Variants in GRK3 observed in about 807,000 individuals in gnomAD.
The protein encoded by GRK3 is G protein-coupled receptor kinase 3.
In GRK3, 54 loss-of-function variants were observed where a neutral mutation model predicts 95.7. The observed-to-expected ratio is 0.56, with a 90% CI of 0.45 to 0.71. The LOEUF (loss-of-function observed/expected upper bound fraction) is 0.71, where lower values mean the gene tolerates loss of function less well. GRK3 is among the 30% of genes least tolerant of loss of function. The pLI, the probability that GRK3 is intolerant of heterozygous loss-of-function variation, is 0.00. For synonymous variants in GRK3, 281 were observed against 290.8 expected (o/e 0.97, Z 0.34); for missense variants, 649 against 851.2 (o/e 0.76, Z 2.96).
intron 1 of GRK3, among the ~76,000 whole-genome samples, chr22:25,579,362 G>T (rs1398284900): frequency 2.0e-5 from 3 of 151,978 alleles, no homozygotes; most frequent in Admixed American, 6.6e-5. Context: ...GCCAAGGCTG[G>T]TCGAGAATTC....
intron 3 of GRK3, chr22:25,649,380 C>T (rs2084811380): frequency 1.7e-6 from 1 of 577,836 alleles, no homozygotes; most frequent in Non-Finnish European, 3.1e-6. Context: ...TTCCACAAAA[C>T]CACTTTTTTT....
At position 25,648,856 on chromosome 22, in the gene GRK3, C is replaced by T. The variant is rs1037253284; in HGVS notation, c.264+4191C>T. The T allele has an allele frequency of 4.8e-6, 5 of 1,034,138 alleles. No individual in the cohort carries two copies. In the Admixed American group the frequency reaches 5.1e-5, roughly 11 times the overall value. The allele number at this position is 1,034,138 out of a possible 1,614,324, so 64.1% of individuals were successfully genotyped here. A position where few individuals can be genotyped will look rare whatever the true frequency, so the allele number is the denominator to read the frequency against. ...TGCAAAATAGCAGATTTTGGTTTAG[C>T]AAGGTTAATTGAAGACAATGAATAC... On this transcript the variant is annotated intron_variant, in intron 3 of 20. Transcript: ENST00000324198.
Position 25,697,470 on chromosome 22 carries a change from C to CA in GRK3, c.1160+2257dup, listed in dbSNP as rs1483260098. 1.4e-4 allele frequency among the ~76,000 whole-genome samples: 22 copies of CA among 152,306 alleles called. 1 individual carries two copies. In the South Asian group the frequency reaches 2.9e-3, roughly 20 times the overall value. On this transcript the variant is annotated intron_variant, in intron 13 of 20. Transcript: ENST00000324198. ...GGGCTCCTGCCGAAAAGAGTCTTGACAGACAGGAAGACATCCTGAGGATGG... is the reference window on the plus strand; with the variant it reads ...GGGCTCCTGCCGAAAAGAGTCTTGACAAGACAGGAAGACATCCTGAGGATGG...
intron 2 of GRK3, among the ~76,000 whole-genome samples, chr22:25,627,337 C>T (rs770951149): frequency 2.6e-5 from 4 of 152,338 alleles, no homozygotes; most frequent in East Asian, 1.9e-4. Context: ...GGCTGGATCC[C>T]TTAGCCTGGT....
At chr22:25,596,534 A>G (rs1252018408) in intron 1 of GRK3, among the ~76,000 whole-genome samples, 1 of 152,248 alleles carries the variant, frequency 6.6e-6, no homozygotes. Flanking sequence ...CATTTGATTT[A>G]TTCCCTCAGA....
At chr22:25,574,774 T>A (rs978123161) in intron 1 of GRK3, among the ~76,000 whole-genome samples, 1 of 152,222 alleles carries the variant, frequency 6.6e-6, no homozygotes, top group Non-Finnish European at 1.5e-5. Context: ...TGTCTTTTTT[T>A]ATATTATGAC....
intron 1 of GRK3, among the ~76,000 whole-genome samples, chr22:25,566,338 CAA>C (rs1244953505): frequency 6.6e-6 from 1 of 152,156 alleles, no homozygotes; most frequent in African/African-American, 2.4e-5. Context: ...GTTAGGCGCC[CAA>C]GATTGCTTAA....
At chr22:25,588,791 T>G (rs1247348521) in intron 1 of GRK3, among the ~76,000 whole-genome samples, 3 of 151,114 alleles carry the variant, frequency 2.0e-5, no homozygotes, top group African/African-American at 7.3e-5. Flanking sequence ...TTTTTTTTTT[T>G]TGAGACAAGG....
At chr22:25,684,258 C>A (rs1485706248) in intron 9 of GRK3, among the ~76,000 whole-genome samples, 1 of 152,204 alleles carries the variant, frequency 6.6e-6, no homozygotes, top group African/African-American at 2.4e-5. Flanking sequence ...ATTACTGTTG[C>A]TTTCTAATAA....
At chr22:25,614,355 G>T (rs968630028) in intron 2 of GRK3, among the ~76,000 whole-genome samples, 13 of 152,150 alleles carry the variant, frequency 8.5e-5, no homozygotes, top group African/African-American at 3.1e-4. Flanking sequence ...GCTGATCTTG[G>T]ACTCCTGGGC....
At chr22:25,717,579 A>AGT (rs2146472607) in intron 18 of GRK3, among the ~76,000 whole-genome samples, 1 of 152,330 alleles carries the variant, frequency 6.6e-6, no homozygotes, top group African/African-American at 2.4e-5. Flanking sequence ...TGAAGAAATG[A>AGT]GTGTGTGACT....
At chr22:25,612,595 G>T (rs2084507113) in intron 2 of GRK3, among the ~76,000 whole-genome samples, 1 of 151,622 alleles carries the variant, frequency 6.6e-6, no homozygotes, top group South Asian at 2.1e-4. Flanking sequence ...TTACTTCTTT[G>T]TTTCCAGTCT....
At chr22:25,628,969 G>T (rs1356197151) in intron 2 of GRK3, among the ~76,000 whole-genome samples, 1 of 152,186 alleles carries the variant, frequency 6.6e-6, no homozygotes, top group East Asian at 1.9e-4. Context: ...CTTGGGGGTG[G>T]TGATGGTGGT....
In GRK3 at chr22:25,565,088, C is replaced by A; in HGVS notation, c.48C>A (p.Ala16=). Residue 16 remains alanine, a synonymous_variant, in exon 1 of 21, where the codon GCC becomes GCA. Transcript: ENST00000324198. ...AVLADVSYLM[A]MEKSKATPAA... ...TGGCCGATGTCAGTTACCTGATGGCCATGGAGAAGAGCAAGGCGACCCCGG... is the reference window on the plus strand; with the variant it reads ...TGGCCGATGTCAGTTACCTGATGGCAATGGAGAAGAGCAAGGCGACCCCGG... 1 of 1,544,120 alleles carries A rather than the reference C, an allele frequency of 6.5e-7. No individual in the cohort carries two copies. The highest frequency in any genetic ancestry group is 1.9e-5 in the Admixed American group (1 of 52,290).
At chr22:25,714,349 G>C in intron 17 of GRK3, 59 bp from the exon 18 acceptor site, 1 of 1,485,478 alleles carries the variant, frequency 6.7e-7, no homozygotes, top group Non-Finnish European at 9.2e-7. Flanking sequence ...TGGCGCCGCG[G>C]ACTCTTACCT....
intron 1 of GRK3, among the ~76,000 whole-genome samples, chr22:25,575,012 C>T (rs1012064169): frequency 1.3e-5 from 2 of 152,088 alleles, no homozygotes; most frequent in African/African-American, 2.4e-5. Context: ...TGAGAGGACA[C>T]GTATGTTGGT....
chr22:25,719,534 G>A (rs2085414233), intron 19 of GRK3, among the ~76,000 whole-genome samples: 1 of 152,140 alleles, frequency 6.6e-6, no homozygotes, highest in African/African-American at 2.4e-5. Context: ...AGATCCTTTC[G>A]AGAGCTAATG....
intron 3 of GRK3, among the ~76,000 whole-genome samples, chr22:25,644,876 G>A (rs1382721193): frequency 6.6e-6 from 1 of 152,210 alleles, no homozygotes; most frequent in Non-Finnish European, 1.5e-5. Flanking sequence ...GCTTCAGAGT[G>A]CTATGGAAGC....
intron 1 of GRK3, among the ~76,000 whole-genome samples, chr22:25,587,144 G>A (rs1162251807): frequency 6.6e-6 from 1 of 152,160 alleles, no homozygotes; most frequent in Non-Finnish European, 1.5e-5. Flanking sequence ...CCCTGCCTCA[G>A]CCTCCCAAAG....
Sources: gnomAD v4.1 joint callset for allele counts (sites outside exome capture counted in the v4.1 genomes callset) on GRCh38, gnomAD v4.1.1 for gene constraint, MANE v1.5 for transcripts, NCBI Gene and HGNC (gene_info 2026-07-23, HGNC 2026-07-21) for gene names.